Variants in PTPRD observed in about 807,000 individuals in gnomAD.
PTPRD encodes the protein protein tyrosine phosphatase receptor type D, also known as receptor-type tyrosine-protein phosphatase delta.
A neutral mutation model predicts 214.5 loss-of-function variants in PTPRD; 34 were observed. That is an observed-to-expected ratio of 0.16 (90% confidence interval 0.12 to 0.21). PTPRD has a LOEUF of 0.21. PTPRD is among the 10% of genes least tolerant of loss of function. The pLI is 1.00. For synonymous variants in PTPRD, 1,128 were observed against 845.7 expected (o/e 1.33, Z -5.79); for missense variants, 2,545 against 2,398.7 (o/e 1.06, Z -1.27).
chr9:9,580,657 T>C (rs1029715992), intron 7 of PTPRD, among the ~76,000 whole-genome samples: 1 of 150,316 alleles, frequency 6.7e-6, no homozygotes, highest in Non-Finnish European at 1.5e-5. Context: ...CAAGCAATTC[T>C]CCTGCCTCAG....
At chr9:8,426,790 G>C (rs1300765248) in intron 35 of PTPRD, among the ~76,000 whole-genome samples, 2 of 144,886 alleles carry the variant, frequency 1.4e-5, no homozygotes, top group Non-Finnish European at 3.0e-5. Flanking sequence ...TAAAGAAAAT[G>C]TCTGAGGTTT....
At chr9:8,974,980 C>G (rs951934042) in intron 11 of PTPRD, among the ~76,000 whole-genome samples, 7 of 151,382 alleles carry the variant, frequency 4.6e-5, no homozygotes, top group Middle Eastern at 3.4e-3. Flanking sequence ...GCCTATATTC[C>G]TAGCTACTTG....
intron 26 of PTPRD, among the ~76,000 whole-genome samples, chr9:8,494,279 T>C (rs2097211958): frequency 1.3e-5 from 2 of 152,124 alleles, no homozygotes; most frequent in South Asian, 4.2e-4. Flanking sequence ...ACATGCTTTC[T>C]CAAAAGAGTA....
intron 39 of PTPRD, among the ~76,000 whole-genome samples, chr9:8,372,151 T>C (rs2081748364): frequency 6.6e-6 from 1 of 152,056 alleles, no homozygotes; most frequent in Non-Finnish European, 1.5e-5. Context: ...GGGATTGCCA[T>C]AGTAGAAAAT....
At chr9:8,420,817 T>A (rs201215661) in intron 35 of PTPRD, among the ~76,000 whole-genome samples, 39,753 of 141,640 alleles carry the variant, frequency 0.28, 6,049 homozygotes, top group East Asian at 0.52. Flanking sequence ...TTTTTTTTTT[T>A]TAAAAAAAGA....
chr9:10,088,162 T>C (rs1188648899), intron 3 of PTPRD, among the ~76,000 whole-genome samples: 1 of 151,800 alleles, frequency 6.6e-6, no homozygotes, highest in Non-Finnish European at 1.5e-5. Context: ...GAGACAGCCA[T>C]CTTTTTCTAT....
chr9:9,562,526 TC>T (rs774937836), intron 8 of PTPRD, among the ~76,000 whole-genome samples: 18 of 152,282 alleles, frequency 1.2e-4, no homozygotes, highest in Non-Finnish European at 2.4e-4. Flanking sequence ...TGACCTGCCT[TC>T]AACCCCACCT....
intron 5 of PTPRD, among the ~76,000 whole-genome samples, chr9:9,800,092 A>C (rs1017211232): frequency 6.6e-6 from 1 of 152,192 alleles, no homozygotes; most frequent in African/African-American, 2.4e-5. Context: ...AAAATAAGTA[A>C]AATAAAGTTT....
intron 5 of PTPRD, among the ~76,000 whole-genome samples, chr9:9,819,957 C>G (rs916529138): frequency 1.3e-5 from 2 of 152,034 alleles, no homozygotes; most frequent in African/African-American, 4.8e-5. Context: ...AATGAAAATG[C>G]GAGTACGTGT....
At chr9:8,562,490 G>A (rs1264326179) in intron 14 of PTPRD, among the ~76,000 whole-genome samples, 1 of 151,890 alleles carries the variant, frequency 6.6e-6, no homozygotes, top group Admixed American at 6.6e-5. Context: ...AGGCTGGTGT[G>A]CAGTGGTGCA....
chr9:10,171,355 G>C (rs1248531311), intron 3 of PTPRD, among the ~76,000 whole-genome samples: 3 of 151,944 alleles, frequency 2.0e-5, no homozygotes, highest in Non-Finnish European at 2.9e-5. Context: ...TACGAGATCT[G>C]ATGGTTTTAT....
At chr9:9,136,091 A>G (rs1205152647) in intron 10 of PTPRD, among the ~76,000 whole-genome samples, 1 of 152,174 alleles carries the variant, frequency 6.6e-6, no homozygotes, top group Non-Finnish European at 1.5e-5. Context: ...TCAACCTCAT[A>G]ACATACCGTC....
chr9:8,381,659 A>T (rs2085126277), intron 37 of PTPRD, among the ~76,000 whole-genome samples: 1 of 152,244 alleles, frequency 6.6e-6, no homozygotes, highest in South Asian at 2.1e-4. Flanking sequence ...ACAGCCATAA[A>T]GTTGAAAAAT....
intron 2 of PTPRD, among the ~76,000 whole-genome samples, chr9:10,534,610 C>T (rs1203881442): frequency 6.6e-6 from 1 of 152,060 alleles, no homozygotes; most frequent in Non-Finnish European, 1.5e-5. Flanking sequence ...AACCTTAACA[C>T]AACAGGACCA....
At chr9:9,238,600 G>C (rs980544923) in intron 9 of PTPRD, among the ~76,000 whole-genome samples, 1 of 152,062 alleles carries the variant, frequency 6.6e-6, no homozygotes, top group African/African-American at 2.4e-5. Context: ...TTAAGAGCTA[G>C]TAGCATGCTC....
At chr9:10,482,057 A>T (rs1416103383) in intron 2 of PTPRD, among the ~76,000 whole-genome samples, 1 of 152,122 alleles carries the variant, frequency 6.6e-6, no homozygotes, top group Non-Finnish European at 1.5e-5. Context: ...ATAAAAATAA[A>T]ATGAAGAAAA....
rs7022570 is a variant in PTPRD, at chr9:10,478,636, C to T, written c.-600+133762G>A. Among the ~76,000 whole-genome samples the T allele has an allele frequency of 8.1e-3, 1,238 of 152,152 alleles. 23 individuals are homozygous for T. Among genetic ancestry groups the T allele is most frequent in the African/African-American group, 0.028 (1,173 of 41,516 alleles). On this transcript the variant is annotated intron_variant, in intron 2 of 45. Coordinates refer to ENST00000381196, the MANE Select transcript of PTPRD (RefSeq NM_002839.4). Reference sequence around the variant, plus strand: ...ATTTCTTTTCCAGCTGAGAAAAACACTAAACTTTCCATTTTACAATTTCTG... The same window carrying T: ...ATTTCTTTTCCAGCTGAGAAAAACATTAAACTTTCCATTTTACAATTTCTG...
intron 8 of PTPRD, among the ~76,000 whole-genome samples, chr9:9,567,689 C>G (rs1253544677): frequency 6.6e-6 from 1 of 151,972 alleles, no homozygotes; most frequent in African/African-American, 2.4e-5. Flanking sequence ...TCCTTTTCTG[C>G]TTCTTAAGGG....
chr9:9,280,223 T>C (rs1319156471), intron 9 of PTPRD, among the ~76,000 whole-genome samples: 1 of 151,234 alleles, frequency 6.6e-6, no homozygotes, highest in African/African-American at 2.4e-5. Flanking sequence ...ATCCATATTG[T>C]GAAGGCATGT....
Sources: gnomAD v4.1 joint callset for allele counts (sites outside exome capture counted in the v4.1 genomes callset) on GRCh38, gnomAD v4.1.1 for gene constraint, MANE v1.5 for transcripts, NCBI Gene and HGNC (gene_info 2026-07-23, HGNC 2026-07-21) for gene names.